AKT3: variants seen among roughly 807,000 people sequenced by gnomAD.
AKT3 encodes AKT serine/threonine kinase 3.
AKT3 carries 15 observed loss-of-function variants against 65.3 expected under a neutral mutation model. The ratio of observed to expected loss-of-function variants is 0.23; its 90% CI spans 0.15 to 0.35. The LOEUF is 0.35. AKT3 is among the 10% of genes least tolerant of loss of function. The pLI, the probability that AKT3 is intolerant of heterozygous loss-of-function variation, is 1.00. For missense variants in AKT3, 243 were observed against 576.5 expected (o/e 0.42, Z 5.92); for synonymous variants, 206 against 183.8 (o/e 1.12, Z -0.98).
At chr1:243,516,576 A>G (rs535403614) in intron 12 of AKT3, among the ~76,000 whole-genome samples, 1 of 152,202 alleles carries the variant, frequency 6.6e-6, no homozygotes, top group East Asian at 1.9e-4. Context: ...TTTTAGAGAC[A>G]AAATCTGGCT....
intron 12 of AKT3, among the ~76,000 whole-genome samples, chr1:243,517,335 T>C (rs1277724684): frequency 2.0e-5 from 3 of 152,234 alleles, no homozygotes; most frequent in Non-Finnish European, 2.9e-5. Context: ...AGCTGACTGA[T>C]AGTATTGCCC....
chr1:243,812,854 T>C (rs1412218593), intron 2 of AKT3, among the ~76,000 whole-genome samples: 1 of 151,842 alleles, frequency 6.6e-6, no homozygotes, highest in Non-Finnish European at 1.5e-5. Context: ...AAATGATGAG[T>C]TCATGTCCTT....
chr1:243,807,403 G>C (rs539595804), intron 2 of AKT3, among the ~76,000 whole-genome samples: 4 of 152,338 alleles, frequency 2.6e-5, no homozygotes, highest in African/African-American at 9.6e-5. Context: ...GCCTGGCTCG[G>C]AGGGTCCTAT....
intron 12 of AKT3, among the ~76,000 whole-genome samples, chr1:243,520,897 C>T (rs1020083922): frequency 5.4e-4 from 82 of 152,256 alleles, no homozygotes; most frequent in African/African-American, 1.9e-3. Context: ...TTACTATCTT[C>T]CTAAAAGTGT....
At chr1:243,583,098 A>ATCTC (rs1299162973) in intron 8 of AKT3, among the ~76,000 whole-genome samples, 3 of 147,882 alleles carry the variant, frequency 2.0e-5, no homozygotes, top group Non-Finnish European at 4.5e-5. Flanking sequence ...ATATATATAT[A>ATCTC]TATCTCTCTC....
At chr1:243,843,500 A>T in intron 1 of AKT3, 1 of 1,080,348 alleles carries the variant, frequency 9.3e-7, no homozygotes, top group Non-Finnish European at 1.1e-6. Context: ...TTTTAACCTA[A>T]GAGGTTGCAA....
intron 12 of AKT3, among the ~76,000 whole-genome samples, chr1:243,525,489 A>G (rs1465514465): frequency 6.6e-6 from 1 of 151,914 alleles, no homozygotes; most frequent in Non-Finnish European, 1.5e-5. Context: ...ATTATCTTCA[A>G]TGACGTAAAG....
intron 2 of AKT3, among the ~76,000 whole-genome samples, chr1:243,731,595 A>G (rs1455346332): frequency 6.6e-6 from 1 of 152,208 alleles, no homozygotes; most frequent in East Asian, 1.9e-4. Flanking sequence ...TCTTTATCCA[A>G]AAAGAGTGTT....
At chr1:243,498,810 TTC>T (rs1227795134), downstream of AKT3, among the ~76,000 whole-genome samples, 10 of 152,346 alleles carry the variant, frequency 6.6e-5, no homozygotes, top group South Asian at 1.2e-3. Context: ...GCAGGCCCAC[TTC>T]TCTTTTTGGA....
At chr1:243,815,805 T>C (rs951338293) in intron 2 of AKT3, among the ~76,000 whole-genome samples, 5 of 151,920 alleles carry the variant, frequency 3.3e-5, no homozygotes, top group African/African-American at 7.3e-5. Flanking sequence ...GTTGTAGAGA[T>C]GAGGTTTCAC....
At chr1:243,785,323 C>T (rs947890793) in intron 2 of AKT3, among the ~76,000 whole-genome samples, 3 of 151,898 alleles carry the variant, frequency 2.0e-5, no homozygotes, top group Non-Finnish European at 2.9e-5. Flanking sequence ...TGCGATCTGC[C>T]CGCCTCGGCC....
At chr1:243,517,264 T>G (rs960771390) in intron 12 of AKT3, among the ~76,000 whole-genome samples, 1 of 152,206 alleles carries the variant, frequency 6.6e-6, no homozygotes, top group Non-Finnish European at 1.5e-5. Context: ...TCTGTGACCT[T>G]GAGAAAAATA....
At chr1:243,570,807 T>C (rs537599648) in intron 9 of AKT3, among the ~76,000 whole-genome samples, 8 of 152,372 alleles carry the variant, frequency 5.3e-5, no homozygotes, top group Admixed American at 2.0e-4. Context: ...GCTAACTATA[T>C]ACTTAGGTCT....
At chr1:243,685,611 G>A (rs1337629046) in intron 3 of AKT3, among the ~76,000 whole-genome samples, 7 of 152,050 alleles carry the variant, frequency 4.6e-5, no homozygotes, top group South Asian at 2.1e-4. Context: ...GTCAGGTAGC[G>A]TGATGCCTCC....
rs765107759 is a variant in AKT3 at position 243,505,294 on chromosome 1, C to T, written c.1395G>A (p.Arg465=). The change falls in exon 14 of 14, where the codon CGG becomes CGA. Residue 465 remains arginine (R), a synonymous_variant. Coordinates refer to ENST00000673466, the MANE Select transcript of AKT3 (RefSeq NM_005465.7). The stretch of plus-strand genomic sequence containing the variant: ...AGTAGGAAAATTGAGGGAAATGCGG[C>T]CGCCTCTCATTGTCCATGCAGTCCA... ...DGMDCMDNER[R]PHFPQFSYSA... 6.2e-7 allele frequency: 1 copy of T among 1,614,162 alleles called. No individual in the cohort carries two copies. The highest frequency in any genetic ancestry group is 8.5e-7 in the Non-Finnish European group (1 of 1,180,036).
intron 2 of AKT3, among the ~76,000 whole-genome samples, chr1:243,745,098 G>A (rs1688398872): frequency 6.6e-6 from 1 of 152,090 alleles, no homozygotes; most frequent in African/African-American, 2.4e-5. Context: ...TTTGGGGTGG[G>A]GAGGCTGAGG....
At chr1:243,694,398 G>T (rs905175967) in intron 3 of AKT3, among the ~76,000 whole-genome samples, 1 of 151,970 alleles carries the variant, frequency 6.6e-6, no homozygotes, top group Non-Finnish European at 1.5e-5. Context: ...TCTATTGAAA[G>T]AAAACCATTA....
At chr1:243,707,248 T>C (rs1303436448) in intron 2 of AKT3, among the ~76,000 whole-genome samples, 3 of 152,188 alleles carry the variant, frequency 2.0e-5, no homozygotes, top group African/African-American at 7.2e-5. Flanking sequence ...AAAATGGAAT[T>C]TCTTTAATTT....
chr1:243,736,482 A>G (rs750571741), intron 2 of AKT3, among the ~76,000 whole-genome samples: 15 of 152,206 alleles, frequency 9.9e-5, no homozygotes, highest in Non-Finnish European at 1.8e-4. Context: ...TGAAGGAATC[A>G]TAGTCCTGGA....
Sources: allele counts gnomAD v4.1 joint callset (sites outside exome capture counted in the v4.1 genomes callset), GRCh38; gene constraint gnomAD v4.1.1; transcripts MANE v1.5; gene names NCBI Gene and HGNC (gene_info 2026-07-23, HGNC 2026-07-21).